Variants in CSRNP3 observed in about 807,000 individuals in gnomAD.
CSRNP3 encodes the protein cysteine/serine-rich nuclear protein 3.
CSRNP3 carries 12 observed loss-of-function variants against 48.0 expected under a neutral mutation model. The ratio of observed to expected loss-of-function variants is 0.25; its 90% CI spans 0.16 to 0.41. The LOEUF is 0.41. Among genes scored for constraint, CSRNP3 ranks in the 10% least tolerant of loss-of-function variants. CSRNP3 has a pLI of 1.00. For synonymous variants in CSRNP3, 263 were observed against 269.7 expected (o/e 0.98, Z 0.24); for missense variants, 580 against 724.4 (o/e 0.80, Z 2.29).
intron 4 of CSRNP3, among the ~76,000 whole-genome samples, chr2:165,620,874 A>C (rs936382257): frequency 6.6e-6 from 1 of 152,084 alleles, no homozygotes; most frequent in African/African-American, 2.4e-5. Context: ...AGAGGCCTCA[A>C]GTTTTCCTTT....
chr2:165,652,746 G>A (rs570998678), intron 4 of CSRNP3, among the ~76,000 whole-genome samples: 8 of 151,974 alleles, frequency 5.3e-5, no homozygotes, highest in South Asian at 2.1e-4. Flanking sequence ...GTTTCGCCAC[G>A]TTGCTCAGGC....
At chr2:165,631,530 C>A (rs894012130) in intron 4 of CSRNP3, among the ~76,000 whole-genome samples, 1 of 152,148 alleles carries the variant, frequency 6.6e-6, no homozygotes, top group South Asian at 2.1e-4. Context: ...CAGCCAATGG[C>A]CAGCTCTCCT....
chr2:165,679,493 G>C lies in CSRNP3; in HGVS notation c.1498G>C (p.Val500Leu). 1 of 1,613,574 alleles carries C rather than the reference G, an allele frequency of 6.2e-7. No individual in the cohort carries two copies. The highest frequency in any genetic ancestry group is 8.5e-7 in the Non-Finnish European group (1 of 1,179,946). ...CCACTACCCAGCTGCCAACCCCTCT[G>C]TAATCGTTTGCTGCTCCTCTTCCGA... Reference protein sequence around the residue: ...ASHYPAANPSVIVCCSSSEND... With the variant: ...ASHYPAANPSLIVCCSSSEND... The change falls in exon 7 of 7, where the codon GTA (valine) becomes CTA (leucine). Residue 500 changes from valine (V) to leucine (L), a missense_variant. By Grantham distance (32) the Val-to-Leu change is conservative (BLOSUM62 1). Coordinates refer to ENST00000651982, the MANE Select transcript of CSRNP3 (RefSeq NM_001172173.2).
chr2:165,629,409 C>T (rs188019662), intron 4 of CSRNP3, among the ~76,000 whole-genome samples: 12 of 152,352 alleles, frequency 7.9e-5, no homozygotes, highest in African/African-American at 1.7e-4. Context: ...CCATGTCACT[C>T]GCAGTAGCTT....
At chr2:165,531,451 T>A (rs1318256685) in intron 3 of CSRNP3, among the ~76,000 whole-genome samples, 1 of 152,212 alleles carries the variant, frequency 6.6e-6, no homozygotes, top group Non-Finnish European at 1.5e-5. Context: ...TTCAAGTAGG[T>A]CATTCTTCAT....
intron 5 of CSRNP3, among the ~76,000 whole-genome samples, chr2:165,665,986 G>A (rs537008879): frequency 0.013 from 518 of 40,816 alleles, 25 homozygotes; most frequent in South Asian, 0.066. Flanking sequence ...GAAAGAAAGA[G>A]AGAAAGGAAG....
At chr2:165,504,129 G>T (rs1684394529) in intron 2 of CSRNP3, among the ~76,000 whole-genome samples, 1 of 151,842 alleles carries the variant, frequency 6.6e-6, no homozygotes, top group Non-Finnish European at 1.5e-5. Context: ...CAATGTATGT[G>T]CATTAAGAGA....
intron 4 of CSRNP3, among the ~76,000 whole-genome samples, chr2:165,613,472 T>C (rs1000485625): frequency 6.6e-6 from 1 of 152,142 alleles, no homozygotes; most frequent in African/African-American, 2.4e-5. Context: ...ACTCTTTCCT[T>C]AGACCAATGA....
intron 3 of CSRNP3, among the ~76,000 whole-genome samples, chr2:165,592,779 G>A (rs1160247147): frequency 1.3e-5 from 2 of 150,526 alleles, no homozygotes; most frequent in African/African-American, 2.4e-5. Context: ...ATGTGTAACT[G>A]TGAGTCAATT....
intron 3 of CSRNP3, among the ~76,000 whole-genome samples, chr2:165,534,802 T>A (rs543811865): frequency 6.6e-6 from 1 of 151,904 alleles, no homozygotes; most frequent in Admixed American, 6.6e-5. Flanking sequence ...TAATAATATC[T>A]TAGTACATTA....
chr2:165,529,037 G>C (rs945060136), intron 3 of CSRNP3, among the ~76,000 whole-genome samples: 2 of 148,400 alleles, frequency 1.3e-5, no homozygotes, highest in African/African-American at 5.0e-5. Context: ...TTTGGACCCA[G>C]GGGTCCCTGC....
chr2:165,518,566 T>A (rs145358169), intron 3 of CSRNP3, among the ~76,000 whole-genome samples: 1 of 152,126 alleles, frequency 6.6e-6, no homozygotes, highest in East Asian at 1.9e-4. Flanking sequence ...ATTAAGCAGC[T>A]TATTATAATA....
rs550738945 is a variant in CSRNP3 at position 165,688,526 on chromosome 2, C to T, written c.*8773C>T. ...TTTTAAAAATATGTATAATTGGTTG[C>T]ATAGACATATGTCACTTTTTGCAGT... On this transcript the variant is annotated 3_prime_UTR_variant, in exon 7 of 7. Coordinates refer to ENST00000651982, the MANE Select transcript of CSRNP3 (RefSeq NM_001172173.2). 1 of 152,282 alleles carries T rather than the reference C, an allele frequency of 6.6e-6. No individual in the cohort carries two copies. The highest frequency in any genetic ancestry group is 2.4e-5 in the African/African-American group (1 of 41,574). 9.4% of individuals were successfully genotyped at this position (152,282 alleles called of 1,614,324 possible).
chr2:165,670,994 G>T (rs941144586), intron 5 of CSRNP3, among the ~76,000 whole-genome samples: 1 of 152,094 alleles, frequency 6.6e-6, no homozygotes, highest in Non-Finnish European at 1.5e-5. Flanking sequence ...TGAAAGTGCT[G>T]GTTATCCTAT....
intron 5 of CSRNP3, among the ~76,000 whole-genome samples, chr2:165,662,897 T>G (rs1687120182): frequency 6.6e-6 from 1 of 152,200 alleles, no homozygotes; most frequent in South Asian, 2.1e-4. Flanking sequence ...GTTCCTTGAG[T>G]AATGTGTGGC....
intron 3 of CSRNP3, among the ~76,000 whole-genome samples, chr2:165,553,750 T>C: frequency 6.6e-6 from 1 of 152,212 alleles, no homozygotes; most frequent in East Asian, 1.9e-4. Flanking sequence ...GCTATTCAAC[T>C]GGTGCAGTAG....
intron 3 of CSRNP3, among the ~76,000 whole-genome samples, chr2:165,518,589 A>G (rs1422055402): frequency 6.6e-6 from 1 of 152,024 alleles, no homozygotes; most frequent in Non-Finnish European, 1.5e-5. Context: ...AAATTAATGT[A>G]CAATATTCAT....
At chr2:165,641,996 C>T (rs1686728278) in intron 4 of CSRNP3, among the ~76,000 whole-genome samples, 1 of 151,938 alleles carries the variant, frequency 6.6e-6, no homozygotes, top group African/African-American at 2.4e-5. Flanking sequence ...AAGAATATTT[C>T]TTGTAACAAA....
At chr2:165,654,906 A>T (rs1236468280) in intron 4 of CSRNP3, among the ~76,000 whole-genome samples, 1 of 152,238 alleles carries the variant, frequency 6.6e-6, no homozygotes, top group Non-Finnish European at 1.5e-5. Context: ...TTGGGATTAC[A>T]GGCGTCAGCC....
Sources: gnomAD v4.1 joint callset for allele counts (sites outside exome capture counted in the v4.1 genomes callset) on GRCh38, gnomAD v4.1.1 for gene constraint, MANE v1.5 for transcripts, NCBI Gene and HGNC (gene_info 2026-07-23, HGNC 2026-07-21) for gene names.